IL1RAPL2: variants seen among roughly 807,000 people sequenced by gnomAD.
The protein encoded by IL1RAPL2 is X-linked interleukin-1 receptor accessory protein-like 2.
In IL1RAPL2, 3 loss-of-function variants were observed where a neutral mutation model predicts 44.1. The observed-to-expected ratio is 0.07, with a 90% CI of 0.03 to 0.18. IL1RAPL2 has a LOEUF of 0.18. Ranked by LOEUF, IL1RAPL2 falls within the 10% of genes least tolerant of loss-of-function variation. The pLI is 1.00. For synonymous variants in IL1RAPL2, 181 were observed against 178.8 expected (o/e 1.01, Z -0.10); for missense variants, 391 against 496.4 (o/e 0.79, Z 2.02).
At chrX:105,040,846 T>C (rs1352552217) in intron 2 of IL1RAPL2, among the ~76,000 whole-genome samples, 1 of 104,281 alleles carries the variant, frequency 9.6e-6, no homozygotes, top group Non-Finnish European at 2.0e-5. Context: ...GATTCATTAA[T>C]TTTTTGAAGG....
chrX:104,838,785 C>T (rs1310759788), intron 2 of IL1RAPL2, among the ~76,000 whole-genome samples: 1 of 108,653 alleles, frequency 9.2e-6, no homozygotes, highest in Non-Finnish European at 1.9e-5. Context: ...TGAGAGAGGG[C>T]ATCCTTGTCT....
At chrX:105,342,522 G>A (rs1391566593) in intron 5 of IL1RAPL2, among the ~76,000 whole-genome samples, 1 of 111,339 alleles carries the variant, frequency 9.0e-6, no homozygotes, top group Non-Finnish European at 1.9e-5. Flanking sequence ...TAGTACAATT[G>A]TCCTCAAAGG....
At chrX:105,566,036 C>G (rs754193436) in intron 6 of IL1RAPL2, among the ~76,000 whole-genome samples, 1 of 110,455 alleles carries the variant, frequency 9.1e-6, no homozygotes, top group East Asian at 2.9e-4. Context: ...TAGTGATTCA[C>G]GAGGGGATGG....
intron 2 of IL1RAPL2, among the ~76,000 whole-genome samples, chrX:104,833,532 G>C (rs571835362): frequency 9.0e-6 from 1 of 111,635 alleles, no homozygotes; most frequent in Non-Finnish European, 1.9e-5. Context: ...CATCCACTCA[G>C]AGCCAGACTG....
At chrX:104,966,913 C>T (rs2030134662) in intron 2 of IL1RAPL2, among the ~76,000 whole-genome samples, 1 of 112,136 alleles carries the variant, frequency 8.9e-6, no homozygotes, top group African/African-American at 3.2e-5. Flanking sequence ...TTTCAAGTGT[C>T]ACAAAATCTA....
At chrX:105,683,128 C>G (rs779549353) in intron 6 of IL1RAPL2, among the ~76,000 whole-genome samples, 1 of 111,755 alleles carries the variant, frequency 8.9e-6, no homozygotes, top group Non-Finnish European at 1.9e-5. Context: ...TGTGGTATGA[C>G]ACAAATCTTT....
chrX:104,921,328 C>T (rs1272358093), intron 2 of IL1RAPL2, among the ~76,000 whole-genome samples: 2 of 106,799 alleles, frequency 1.9e-5, no homozygotes, highest in African/African-American at 6.9e-5. Context: ...CCAGGGAATG[C>T]TCACATGCCC....
intron 2 of IL1RAPL2, among the ~76,000 whole-genome samples, chrX:105,149,820 C>T (rs1269439618): frequency 3.7e-5 from 4 of 108,350 alleles, no homozygotes; most frequent in East Asian, 2.9e-4. Context: ...GGTGACAGAG[C>T]GAGACTCCAT....
At chrX:105,625,458 C>A (rs2037446570) in intron 6 of IL1RAPL2, among the ~76,000 whole-genome samples, 1 of 112,172 alleles carries the variant, frequency 8.9e-6, no homozygotes, top group African/African-American at 3.2e-5. Context: ...GTGGTCACAA[C>A]AACTAGCCCT....
At chrX:104,734,457 A>G (rs1931978696) in intron 2 of IL1RAPL2, among the ~76,000 whole-genome samples, 1 of 112,913 alleles carries the variant, frequency 8.9e-6, no homozygotes, top group Non-Finnish European at 1.9e-5. Flanking sequence ...GTGGGACACT[A>G]TTCAGCAATA....
At chrX:104,607,125 A>G (rs1463096508) in intron 1 of IL1RAPL2, among the ~76,000 whole-genome samples, 1 of 112,136 alleles carries the variant, frequency 8.9e-6, no homozygotes, top group East Asian at 2.8e-4. Context: ...CCTGACACAA[A>G]CCAGCAATGG....
intron 1 of IL1RAPL2, among the ~76,000 whole-genome samples, chrX:104,574,783 G>T (rs949258643): frequency 2.7e-5 from 3 of 111,677 alleles, no homozygotes; most frequent in Non-Finnish European, 5.7e-5. Flanking sequence ...TAATGGAAAA[G>T]GTAGCTTACA....
chrX:105,572,146 T>C (rs1343030133), intron 6 of IL1RAPL2, among the ~76,000 whole-genome samples: 1 of 111,515 alleles, frequency 9.0e-6, no homozygotes, highest in African/African-American at 3.3e-5. Context: ...GTGACATCAA[T>C]TTTTCCCCGA....
At chrX:104,777,742 A>G (rs1932743627) in intron 2 of IL1RAPL2, among the ~76,000 whole-genome samples, 1 of 108,592 alleles carries the variant, frequency 9.2e-6, no homozygotes, top group African/African-American at 3.4e-5. Context: ...ATGCCCAGCT[A>G]ATTTTTTTTT....
chrX:105,589,235 T>A (rs1157777358), intron 6 of IL1RAPL2, among the ~76,000 whole-genome samples: 3 of 111,308 alleles, frequency 2.7e-5, no homozygotes, highest in African/African-American at 9.8e-5. Flanking sequence ...AATGGGGTAA[T>A]TTTTTTTCTT....
intron 2 of IL1RAPL2, among the ~76,000 whole-genome samples, chrX:104,885,855 C>T (rs1338470762): frequency 8.8e-6 from 1 of 113,135 alleles, no homozygotes; most frequent in African/African-American, 3.2e-5. Flanking sequence ...GTCTGCTATG[C>T]TGAGGCAATC....
At position 104,956,864 on chromosome X, in the gene IL1RAPL2, G is replaced by C. The variant is rs539010390; in HGVS notation, c.83-238611G>C. On this transcript the variant is annotated intron_variant, in intron 2 of 10. Coordinates refer to ENST00000372582, the MANE Select transcript of IL1RAPL2 (RefSeq NM_017416.2). ...CATACAATATCATTTGACCAAAGAG[G>C]TTCATATCTTAAAAAAAATTGTAAA... Among the ~76,000 whole-genome samples the C allele has an allele frequency of 7.2e-5, 8 of 110,934 alleles. No homozygotes were observed. The South Asian group carries it at 3.1e-3, about 43-fold the overall frequency.
rs1315478941 is a variant in IL1RAPL2, at chrX:105,363,309, A to T, written c.697+95768A>T. ...TATATAATATATATATATATATATA[A>T]TATATATATATATATATATATTCTT... On this transcript the variant is annotated intron_variant, in intron 5 of 10. Transcript: ENST00000372582. 7.0e-4 allele frequency among the ~76,000 whole-genome samples: 39 copies of T among 55,656 alleles called. 1 individual carries two copies. The highest frequency in any genetic ancestry group is 6.5e-3 in the Middle Eastern group (1 of 153). The allele number at this position is 55,656 out of a possible 115,157, so 48.3% of individuals were successfully genotyped here. A position where few individuals can be genotyped will look rare whatever the true frequency, so the allele number is the denominator to read the frequency against.
At chrX:104,711,607 G>T (rs1022265613) in intron 2 of IL1RAPL2, among the ~76,000 whole-genome samples, 5 of 109,908 alleles carry the variant, frequency 4.5e-5, no homozygotes, top group African/African-American at 1.7e-4. Context: ...TGAGATAGAG[G>T]CTAGTGGCAT....
Sources: allele counts gnomAD v4.1 joint callset (sites outside exome capture counted in the v4.1 genomes callset), GRCh38; gene constraint gnomAD v4.1.1; transcripts MANE v1.5; gene names NCBI Gene and HGNC (gene_info 2026-07-23, HGNC 2026-07-21).